Variants in SPECC1L observed in about 807,000 individuals in gnomAD.
SPECC1L encodes cytospin-A.
Under a neutral mutation model 116.8 loss-of-function variants are expected in SPECC1L, and 40 were observed. The ratio of observed to expected loss-of-function variants is 0.34; its 90% CI spans 0.27 to 0.45. The LOEUF is 0.45. SPECC1L is among the 20% of genes least tolerant of loss of function. The probability of loss-of-function intolerance (pLI) is 1.00; values close to 1 mark genes in which losing one functional copy is unlikely to be tolerated. For synonymous variants in SPECC1L, 504 were observed against 500.6 expected, an observed-to-expected ratio of 1.01 and a Z score of -0.09; for missense variants, 1,110 against 1,373.6, an observed-to-expected ratio of 0.81 and a Z score of 3.03.
intron 14 of SPECC1L, among the ~76,000 whole-genome samples, chr22:24,386,276 G>C (rs1180997946): frequency 1.3e-5 from 2 of 152,080 alleles, no homozygotes; most frequent in African/African-American, 2.4e-5. Context: ...AAAGAGACAA[G>C]ACCCTGCTCT....
At chr22:24,347,533 T>G (rs2041322495) in intron 11 of SPECC1L, among the ~76,000 whole-genome samples, 1 of 152,212 alleles carries the variant, frequency 6.6e-6, no homozygotes, top group Admixed American at 6.5e-5. Context: ...AGTTAGTTAC[T>G]AAGCAGTAGC....
At chr22:24,365,912 G>A (rs546977465) in intron 13 of SPECC1L, among the ~76,000 whole-genome samples, 1 of 151,292 alleles carries the variant, frequency 6.6e-6, no homozygotes, top group South Asian at 2.1e-4. Flanking sequence ...TAAATACCGA[G>A]GAATGGGTGG....
intron 3 of SPECC1L, among the ~76,000 whole-genome samples, chr22:24,303,652 T>G (rs1450431208): frequency 6.6e-6 from 1 of 152,140 alleles, no homozygotes; most frequent in African/African-American, 2.4e-5. Context: ...GGCAGTGTCT[T>G]TGGAGGTTTA....
At chr22:24,273,819 C>G (rs1194478007) in intron 1 of SPECC1L, among the ~76,000 whole-genome samples, 2 of 152,220 alleles carry the variant, frequency 1.3e-5, no homozygotes, top group Non-Finnish European at 2.9e-5. Flanking sequence ...AGTCTAATGG[C>G]ATGATCTCCG....
Position 24,398,513 on chromosome 22 carries a change from T to C in SPECC1L, c.3088-13075T>C, listed in dbSNP as rs143161433. 2.6e-5 allele frequency among the ~76,000 whole-genome samples: 4 copies of C among 152,274 alleles called. No homozygotes were observed. The East Asian group carries it at 5.8e-4, about 22-fold the overall frequency. ...GGCTTTCAAATCAGTATAAAGAATTTCCAAGGACTTATAATGGAGGAGGAG... is the reference window on the plus strand; with the variant it reads ...GGCTTTCAAATCAGTATAAAGAATTCCCAAGGACTTATAATGGAGGAGGAG... On this transcript the variant is annotated intron_variant, in intron 14 of 16. Transcript: ENST00000314328.
At position 24,356,794 on chromosome 22, in the gene SPECC1L, C is replaced by T. The variant is rs146428830; in HGVS notation, c.2744-6467C>T. ...TTTGTTATTACTTTGTTTTATCTCT[C>T]CTACTGACTTATTATTTGTATCCAT... On this transcript the variant is annotated intron_variant, in intron 11 of 16. Coordinates refer to ENST00000314328, the MANE Select transcript of SPECC1L (RefSeq NM_015330.6). Among the ~76,000 whole-genome samples, 3 of 152,204 alleles carry T rather than the reference C, an allele frequency of 2.0e-5. No individual in the cohort carries two copies. The East Asian group carries it at 5.8e-4, about 29-fold the overall frequency.
intron 14 of SPECC1L, among the ~76,000 whole-genome samples, chr22:24,370,428 T>C (rs931121371): frequency 6.6e-6 from 1 of 152,204 alleles, no homozygotes; most frequent in African/African-American, 2.4e-5. Flanking sequence ...AGATAAGTAG[T>C]GTTGGCAAAG....
At chr22:24,362,408 A>C (rs2041664002) in intron 11 of SPECC1L, among the ~76,000 whole-genome samples, 1 of 152,198 alleles carries the variant, frequency 6.6e-6, no homozygotes, top group African/African-American at 2.4e-5. Context: ...TTGTGTTTAG[A>C]GAACAAGGGA....
intron 8 of SPECC1L, among the ~76,000 whole-genome samples, chr22:24,333,655 G>GT (rs1282748542): frequency 6.6e-6 from 1 of 151,076 alleles, no homozygotes; most frequent in African/African-American, 2.4e-5. Flanking sequence ...TAAGCATGAT[G>GT]TATTAGCTGG....
chr22:24,399,363 G>A (rs1488164859), intron 14 of SPECC1L, among the ~76,000 whole-genome samples: 1 of 152,204 alleles, frequency 6.6e-6, no homozygotes, highest in East Asian at 1.9e-4. Flanking sequence ...GAGGTCAGGA[G>A]ATCGAGACCA....
Position 24,313,437 on chromosome 22 carries a change from C to T in SPECC1L, c.278C>T (p.Thr93Ile). ...TCAGCATCTGCCCCTGCCATGACCA[C>T]CGTGGAGAACAAATCCAAGATTAGC... The part of the protein sequence containing the change: ...APSASAPAMT[T>I]VENKSKISTG... Residue 93 changes from threonine (T) to isoleucine (I), a missense_variant, in exon 4 of 17, where the codon ACC (threonine) becomes ATC (isoleucine). Coordinates refer to ENST00000314328, the MANE Select transcript of SPECC1L (RefSeq NM_015330.6). The T allele has an allele frequency of 6.2e-7, 1 of 1,614,148 alleles. No homozygotes were observed. The highest frequency in any genetic ancestry group is 2.2e-5 in the East Asian group (1 of 44,890).
intron 2 of SPECC1L, among the ~76,000 whole-genome samples, chr22:24,298,878 A>G (rs1462239380): frequency 6.6e-6 from 1 of 152,220 alleles, no homozygotes; most frequent in Non-Finnish European, 1.5e-5. Context: ...ATAATATTTG[A>G]CCAAATGTCT....
At chr22:24,335,682 A>T (rs2041039036) in intron 9 of SPECC1L, among the ~76,000 whole-genome samples, 1 of 152,202 alleles carries the variant, frequency 6.6e-6, no homozygotes, top group Admixed American at 6.5e-5. Flanking sequence ...TTAAAAGCAG[A>T]GCAAAAGTCA....
chr22:24,409,075 A>G (rs1007972818), intron 14 of SPECC1L, among the ~76,000 whole-genome samples: 2 of 152,252 alleles, frequency 1.3e-5, no homozygotes, highest in African/African-American at 4.8e-5. Flanking sequence ...AGGTCCTAAC[A>G]GTATATAAAG....
At chr22:24,398,163 C>G (rs1252031644) in intron 14 of SPECC1L, among the ~76,000 whole-genome samples, 1 of 152,220 alleles carries the variant, frequency 6.6e-6, no homozygotes, top group Non-Finnish European at 1.5e-5. Context: ...CAAGGGAACA[C>G]TCTTGTGTTT....
At chr22:24,319,442 G>A (rs1245766225) in intron 4 of SPECC1L, among the ~76,000 whole-genome samples, 1 of 152,180 alleles carries the variant, frequency 6.6e-6, no homozygotes, top group Admixed American at 6.5e-5. Context: ...GGTCCCTCCC[G>A]AAACACATAG....
chr22:24,342,264 A>T (rs7288273), intron 10 of SPECC1L, among the ~76,000 whole-genome samples: 1 of 152,250 alleles, frequency 6.6e-6, no homozygotes, highest in Non-Finnish European at 1.5e-5. Context: ...ATAGATGCAG[A>T]CCTAGAACGG....
At chr22:24,303,910 A>T (rs975052683) in intron 3 of SPECC1L, among the ~76,000 whole-genome samples, 1 of 151,390 alleles carries the variant, frequency 6.6e-6, no homozygotes, top group African/African-American at 2.4e-5. Context: ...GGACAGAGGT[A>T]AAACTATTTG....
At chr22:24,365,711 G>T in intron 13 of SPECC1L, 79 bp downstream of exon 13, 1 of 1,518,922 alleles carries the variant, frequency 6.6e-7, no homozygotes, top group African/African-American at 1.4e-5. Context: ...GTTGTAAAAT[G>T]ATGGCATTTG....
Sources: gnomAD v4.1 joint callset for allele counts (sites outside exome capture counted in the v4.1 genomes callset) on GRCh38, gnomAD v4.1.1 for gene constraint, MANE v1.5 for transcripts, NCBI Gene and HGNC (gene_info 2026-07-23, HGNC 2026-07-21) for gene names.